The following ANTXR1 variants were observed in gnomAD, a reference collection of about 807,000 sequenced individuals.
ANTXR1 encodes ANTXR cell adhesion molecule 1.
In ANTXR1, 19 loss-of-function variants were observed where a neutral mutation model predicts 78.1. The ratio of observed to expected loss-of-function variants is 0.24; its 90% confidence interval spans 0.17 to 0.36. The LOEUF (loss-of-function observed/expected upper bound fraction) is 0.36, where lower values mean the gene tolerates loss of function less well. ANTXR1 is among the 10% of genes least tolerant of loss of function. The probability of loss-of-function intolerance (pLI) is 1.00; values close to 1 mark genes in which losing one functional copy is unlikely to be tolerated. For synonymous variants in ANTXR1, 273 were observed against 260.5 expected (o/e 1.05, Z -0.46); for missense variants, 518 against 718.6 (o/e 0.72, Z 3.19).
chr2:69,204,514 C>T (rs547140308), intron 17 of ANTXR1, among the ~76,000 whole-genome samples: 10 of 152,264 alleles, frequency 6.6e-5, no homozygotes, highest in Non-Finnish European at 1.5e-4. Context: ...ATCTGTTCCC[C>T]ATCACCTTCT....
intron 10 of ANTXR1, among the ~76,000 whole-genome samples, chr2:69,117,032 T>C (rs982564436): frequency 6.6e-6 from 1 of 152,216 alleles, no homozygotes; most frequent in Non-Finnish European, 1.5e-5. Flanking sequence ...TATGAGTGTA[T>C]GGTTCCAGAG....
At chr2:69,220,746 T>G (rs987143497) in intron 17 of ANTXR1, among the ~76,000 whole-genome samples, 2 of 152,236 alleles carry the variant, frequency 1.3e-5, no homozygotes, top group African/African-American at 4.8e-5. Flanking sequence ...CAGGGTCAGT[T>G]GTCTTCTCTC....
chr2:69,043,958 A>G (rs1669682460), intron 2 of ANTXR1, among the ~76,000 whole-genome samples: 1 of 152,168 alleles, frequency 6.6e-6, no homozygotes, highest in African/African-American at 2.4e-5. Flanking sequence ...GATTGATGCT[A>G]TGACGGAAGA....
At chr2:69,015,235 A>G (rs957754030) in intron 1 of ANTXR1, among the ~76,000 whole-genome samples, 8 of 151,386 alleles carry the variant, frequency 5.3e-5, no homozygotes, top group African/African-American at 1.9e-4. Context: ...TGTTTTGATG[A>G]TAAGAATTTA....
At chr2:69,164,226 G>T (rs750834438) in intron 13 of ANTXR1, among the ~76,000 whole-genome samples, 2 of 152,162 alleles carry the variant, frequency 1.3e-5, no homozygotes, top group Non-Finnish European at 2.9e-5. Flanking sequence ...ACAATTAACC[G>T]TAAGGCCAAC....
Position 69,013,557 on chromosome 2 carries a change from A to C in ANTXR1, c.58A>C (p.Thr20Pro). ...CGGCTTCCAGTGGCTCTCTTTGGCC[A>C]CTCTGGTGCTCATCTGCGCCGGGCA... ...GIGFQWLSLA[T>P]LVLICAGQGG... Residue 20 changes from threonine (T) to proline (P), a missense_variant, in exon 1 of 18, where the codon ACT becomes CCT. Thr to Pro is a conservative substitution (Grantham distance 38). This residue lies in a region of ANTXR1 where 55 missense variants were observed against 52.5 expected (regional missense o/e 1.05). Transcript: ENST00000303714. The surrounding 1 kb of genome is among the most constrained non-coding windows in gnomAD (Gnocchi z 5.0). The C allele has an allele frequency of 6.3e-7, 1 of 1,578,780 alleles. No individual in the cohort carries two copies. Among genetic ancestry groups the C allele is most frequent in the Non-Finnish European group, 8.6e-7 (1 of 1,163,052 alleles).
chr2:69,040,762 T>C (rs550803809), intron 2 of ANTXR1, among the ~76,000 whole-genome samples: 1 of 152,210 alleles, frequency 6.6e-6, no homozygotes, highest in African/African-American at 2.4e-5. Context: ...CTCCAAGGGA[T>C]AACACAACAG....
chr2:69,089,974 C>T (rs1305634383), intron 8 of ANTXR1, among the ~76,000 whole-genome samples: 2 of 152,178 alleles, frequency 1.3e-5, no homozygotes, highest in African/African-American at 4.8e-5. Context: ...AGAAACCCCA[C>T]TCTAGCCAGC....
chr2:69,124,726 G>T, intron 12 of ANTXR1, 83 bp downstream of exon 12: 1 of 1,509,146 alleles, frequency 6.6e-7, no homozygotes, highest in Non-Finnish European at 9.2e-7. Context: ...CTTCTCCAAA[G>T]GTACCCTGGA....
chr2:69,022,929 C>T (rs778522415), intron 1 of ANTXR1, among the ~76,000 whole-genome samples: 2 of 152,212 alleles, frequency 1.3e-5, no homozygotes, highest in East Asian at 1.9e-4. Flanking sequence ...GTTGCCAGGT[C>T]CTGCTGTGTG....
At chr2:69,160,758 T>G (rs536977715) in intron 13 of ANTXR1, among the ~76,000 whole-genome samples, 1 of 152,324 alleles carries the variant, frequency 6.6e-6, no homozygotes, top group East Asian at 1.9e-4. Context: ...TAGGATAATT[T>G]GCATGTGACT....
chr2:69,013,385 G>T lies in ANTXR1; in HGVS notation c.-115G>T. 7.0e-7 allele frequency: 1 copy of T among 1,424,522 alleles called. No homozygotes were observed. The highest frequency in any genetic ancestry group is 9.6e-7 in the Non-Finnish European group (1 of 1,038,206). The allele number at this position is 1,424,522 out of a possible 1,614,324, so 88.2% of individuals were successfully genotyped here. A position where few individuals can be genotyped will look rare whatever the true frequency, so the allele number is the denominator to read the frequency against. On this transcript the variant is annotated 5_prime_UTR_variant, in exon 1 of 18. Transcript: ENST00000303714. The surrounding 1 kb of genome is among the most constrained non-coding windows in gnomAD (Gnocchi z 5.0). ...TGCTTCCGGGGAGTTGCGAGGGAGC[G>T]AGGGGGAATAAAGGACCCGCGAGGA... is the stretch of plus-strand genomic sequence containing the variant.
At chr2:69,159,971 T>C (rs1181096517) in intron 13 of ANTXR1, among the ~76,000 whole-genome samples, 4 of 152,238 alleles carry the variant, frequency 2.6e-5, no homozygotes, top group Non-Finnish European at 5.9e-5. Flanking sequence ...ATTTAATTTG[T>C]AGGGCCAGAC....
intron 12 of ANTXR1, among the ~76,000 whole-genome samples, chr2:69,139,717 G>T (rs1673018727): frequency 6.6e-6 from 1 of 152,134 alleles, no homozygotes; most frequent in Non-Finnish European, 1.5e-5. Context: ...ATGGTATATT[G>T]TAGGTGGTGT....
At chr2:69,124,920 T>G (rs1672482509) in intron 12 of ANTXR1, among the ~76,000 whole-genome samples, 1 of 152,076 alleles carries the variant, frequency 6.6e-6, no homozygotes, top group African/African-American at 2.4e-5. Flanking sequence ...GACGGTAAGA[T>G]GGGCTATGTC....
At chr2:69,198,963 C>G (rs906872463) in intron 17 of ANTXR1, among the ~76,000 whole-genome samples, 2 of 152,312 alleles carry the variant, frequency 1.3e-5, no homozygotes, top group Middle Eastern at 6.8e-3. Context: ...TTGAACAGAG[C>G]TAGCCCCATA....
chr2:69,039,908 A>G (rs1669564033), intron 1 of ANTXR1, 136 bp from the exon 2 acceptor site: 3 of 711,884 alleles, frequency 4.2e-6, no homozygotes, highest in Non-Finnish European at 7.5e-6. Context: ...ATAATTTCCA[A>G]AGTTACAGAA....
intron 3 of ANTXR1, among the ~76,000 whole-genome samples, chr2:69,065,698 T>C (rs1264441061): frequency 3.3e-5 from 5 of 152,232 alleles, no homozygotes; most frequent in Non-Finnish European, 5.9e-5. Context: ...CATTTTGGCC[T>C]ATGCTTAGGT....
At chr2:69,127,454 C>G (rs1404307173) in intron 12 of ANTXR1, among the ~76,000 whole-genome samples, 6 of 151,824 alleles carry the variant, frequency 4.0e-5, no homozygotes, top group African/African-American at 1.5e-4. Flanking sequence ...CTTATTCCCT[C>G]TCAGGATAGC....
Sources: allele counts gnomAD v4.1 joint callset (sites outside exome capture counted in the v4.1 genomes callset), GRCh38; gene constraint gnomAD v4.1.1; regional missense constraint gnomAD v4.1.1; non-coding constraint Gnocchi (gnomAD v3.1); transcripts MANE v1.5; gene names NCBI Gene and HGNC (gene_info 2026-07-23, HGNC 2026-07-21).